CADPS2: variants seen among roughly 807,000 people sequenced by gnomAD.
CADPS2 encodes the protein calcium-dependent secretion activator 2.
A neutral mutation model predicts 172.5 loss-of-function variants in CADPS2; 93 were observed. The ratio of observed to expected loss-of-function variants is 0.54; its 90% CI spans 0.46 to 0.64. The LOEUF is 0.64. CADPS2 is among the 30% of genes least tolerant of loss of function. The probability of loss-of-function intolerance (pLI) is 0.00; values close to 1 mark genes in which losing one functional copy is unlikely to be tolerated. For synonymous variants in CADPS2, 546 were observed against 555.2 expected, an observed-to-expected ratio of 0.98 and a Z score of 0.23; for missense variants, 1,420 against 1,565.9, an observed-to-expected ratio of 0.91 and a Z score of 1.57.
At chr7:122,394,384 T>A (rs2044783349) in intron 20 of CADPS2, among the ~76,000 whole-genome samples, 1 of 152,224 alleles carries the variant, frequency 6.6e-6, no homozygotes, top group South Asian at 2.1e-4. Flanking sequence ...AAATAGAGAA[T>A]CTATATGAAA....
At chr7:122,333,407 C>G (rs142623225) in intron 28 of CADPS2, among the ~76,000 whole-genome samples, 17 of 152,246 alleles carry the variant, frequency 1.1e-4, no homozygotes, top group African/African-American at 3.8e-4. Flanking sequence ...GTCCTAAGGA[C>G]GGGAGTAGAC....
chr7:122,527,617 A>AGAGAGAGAGAGAGAGAGTGTGTGTGTGT, intron 8 of CADPS2, among the ~76,000 whole-genome samples: 11 of 83,878 alleles, frequency 1.3e-4, no homozygotes, highest in South Asian at 4.4e-4. Flanking sequence ...AGAGAGAGAG[A>AGAGAGAGAGAGAGAGAGTGTGTGTGTGT]GTGTGTGTGT....
intron 12 of CADPS2, among the ~76,000 whole-genome samples, chr7:122,479,014 GTGT>G (rs1284109830): frequency 6.6e-6 from 1 of 151,896 alleles, no homozygotes; most frequent in Non-Finnish European, 1.5e-5. Context: ...GCTGCTCCTA[GTGT>G]TGTGAGAAAT....
chr7:122,452,297 A>C (rs1182109615), intron 14 of CADPS2, among the ~76,000 whole-genome samples: 1 of 152,210 alleles, frequency 6.6e-6, no homozygotes, highest in Non-Finnish European at 1.5e-5. Context: ...AAAAGTATGA[A>C]TCTCATATTC....
At chr7:122,496,269 C>T (rs890386666) in intron 9 of CADPS2, among the ~76,000 whole-genome samples, 2 of 152,176 alleles carry the variant, frequency 1.3e-5, no homozygotes, top group Admixed American at 6.5e-5. Flanking sequence ...TCAGTCAATA[C>T]TCCTGCCTCA....
At chr7:122,768,619 C>T (rs911768071) in intron 1 of CADPS2, among the ~76,000 whole-genome samples, 1 of 151,960 alleles carries the variant, frequency 6.6e-6, no homozygotes, top group Non-Finnish European at 1.5e-5. Context: ...TAAATGTTTT[C>T]AATATTGTAG....
In CADPS2 at chr7:122,835,530, C is replaced by G. The variant is rs1313941816; in HGVS notation, c.339+50469G>C. ...GAACCCAACGCAAAGAAGCTAAAAA[C>G]CTTGAAAAAAGATTAGACGAACGGA... On this transcript the variant is annotated intron_variant, in intron 1 of 29. Transcript: ENST00000449022. Among the ~76,000 whole-genome samples, 3 of 152,156 alleles carry G rather than the reference C, an allele frequency of 2.0e-5. No homozygotes were observed. In the East Asian group the frequency reaches 5.8e-4, roughly 29 times the overall value.
In CADPS2 at chr7:122,452,251, T is replaced by G. The variant is rs142813569; in HGVS notation, c.2187-776A>C. Reference sequence around the variant, plus strand: ...CGGCAATCATCTAAAATTTTGAACATATAAATCTTAACTGTCTTGTTAGTG... The same window carrying G: ...CGGCAATCATCTAAAATTTTGAACAGATAAATCTTAACTGTCTTGTTAGTG... On this transcript the variant is annotated intron_variant, in intron 14 of 29. Coordinates refer to ENST00000449022, the MANE Select transcript of CADPS2 (RefSeq NM_017954.11). Among the ~76,000 whole-genome samples, 29 of 152,324 alleles carry G rather than the reference T, an allele frequency of 1.9e-4. No homozygotes were observed. In the East Asian group the frequency reaches 3.1e-3, roughly 16 times the overall value.
chr7:122,445,875 T>C (rs1302113366), intron 15 of CADPS2, among the ~76,000 whole-genome samples: 1 of 152,172 alleles, frequency 6.6e-6, no homozygotes, highest in African/African-American at 2.4e-5. Flanking sequence ...ATTTTTTAGA[T>C]TCGGTAAGAT....
chr7:122,397,079 A>C (rs2045245730), intron 20 of CADPS2, among the ~76,000 whole-genome samples: 3 of 152,202 alleles, frequency 2.0e-5, no homozygotes, highest in Admixed American at 2.0e-4. Context: ...ACCCATATGT[A>C]CAAGATCGGA....
intron 2 of CADPS2, among the ~76,000 whole-genome samples, chr7:122,696,061 T>C (rs1286604314): frequency 1.3e-5 from 2 of 152,194 alleles, no homozygotes; most frequent in Non-Finnish European, 2.9e-5. Context: ...GTGATTTTCT[T>C]GGACAAATGG....
chr7:122,363,484 C>G (rs931253205), intron 25 of CADPS2, among the ~76,000 whole-genome samples: 1 of 150,690 alleles, frequency 6.6e-6, no homozygotes, highest in Admixed American at 6.6e-5. Flanking sequence ...AGGCAGGAAG[C>G]CTGTTGATGA....
intron 6 of CADPS2, 126 bp downstream of exon 6, chr7:122,615,055 A>G (rs1396141016): frequency 2.0e-6 from 1 of 490,572 alleles, no homozygotes; most frequent in Non-Finnish European, 3.6e-6. Context: ...CATTTGAGAC[A>G]AAGTTAGCCA....
chr7:122,738,842 AC>A lies in CADPS2; in HGVS notation c.340-1775del, dbSNP rs2092321447. On this transcript the variant is annotated intron_variant, in intron 1 of 29. Coordinates refer to ENST00000449022, the MANE Select transcript of CADPS2 (RefSeq NM_017954.11). Reference sequence around the variant, plus strand: ...AAAAAATTAAAAAGTGTCCTATTGTACCCAGGGGGGGAAAAAAAAAAAAAAA... The same window carrying A: ...AAAAAATTAAAAAGTGTCCTATTGTACCAGGGGGGGAAAAAAAAAAAAAAA... Among the ~76,000 whole-genome samples the A allele has an allele frequency of 1.7e-5, 2 of 119,818 alleles. 1 individual carries two copies. The highest frequency in any genetic ancestry group is 1.9e-4 in the Admixed American group (2 of 10,604). 78.6% of individuals were successfully genotyped at this position (119,818 alleles called of 152,430 possible). A position where few individuals can be genotyped will look rare whatever the true frequency, so the allele number is the denominator to read the frequency against.
At chr7:122,607,419 C>A (rs559506622) in intron 6 of CADPS2, among the ~76,000 whole-genome samples, 53 of 152,192 alleles carry the variant, frequency 3.5e-4, no homozygotes, top group African/African-American at 1.0e-3. Flanking sequence ...AAATTTAGAC[C>A]ACTCACTAAT....
chr7:122,554,504 A>G, intron 8 of CADPS2, 46 bp downstream of exon 8: 4 of 1,531,910 alleles, frequency 2.6e-6, no homozygotes, highest in Non-Finnish European at 3.5e-6. Context: ...ATACACTGAA[A>G]TGAAATTCAA....
chr7:122,352,086 G>C (rs1169147728), intron 27 of CADPS2, among the ~76,000 whole-genome samples: 3 of 152,174 alleles, frequency 2.0e-5, no homozygotes, highest in Admixed American at 6.5e-5. Context: ...TGAGGATCAA[G>C]TATCTTGCTA....
At position 122,393,193 on chromosome 7, in the gene CADPS2, C is replaced by A. The variant is rs763475608; in HGVS notation, c.3008+3G>T. The stretch of plus-strand genomic sequence containing the variant: ...CACCAGGAAATAAGTGAGGAATACA[C>A]ACGTGGACTCATATAAAGAAGGCAT... On this transcript the variant is annotated splice_donor_region_variant and intron_variant, in intron 22 of 29. Coordinates refer to ENST00000449022, the MANE Select transcript of CADPS2 (RefSeq NM_017954.11). 3 of 1,613,166 alleles carry A rather than the reference C, an allele frequency of 1.9e-6. No homozygotes were observed. The South Asian group carries it at 3.3e-5, about 18-fold the overall frequency.
chr7:122,370,996 G>A (rs2041695465), intron 25 of CADPS2, among the ~76,000 whole-genome samples: 1 of 152,142 alleles, frequency 6.6e-6, no homozygotes, highest in South Asian at 2.1e-4. Context: ...AAGGGCCCCA[G>A]GACAGGTTAA....
Sources: allele counts gnomAD v4.1 joint callset (sites outside exome capture counted in the v4.1 genomes callset), GRCh38; gene constraint gnomAD v4.1.1; transcripts MANE v1.5; gene names NCBI Gene and HGNC (gene_info 2026-07-23, HGNC 2026-07-21).